Variants in RNF216 observed in about 807,000 individuals in gnomAD.
The protein encoded by RNF216 is ring finger protein 216.
A neutral mutation model predicts 110.8 loss-of-function variants in RNF216; 72 were observed. The ratio of observed to expected loss-of-function variants is 0.65; its 90% CI spans 0.54 to 0.79. The LOEUF (loss-of-function observed/expected upper bound fraction) is 0.79. Ranked by LOEUF, RNF216 falls within the 30% of genes least tolerant of loss-of-function variation. RNF216 has a pLI of 0.00. For missense variants in RNF216, 1,342 were observed against 1,141.2 expected (o/e 1.18, Z -2.54); for synonymous variants, 495 against 407.5 (o/e 1.21, Z -2.59).
intron 15 of RNF216, among the ~76,000 whole-genome samples, chr7:5,640,006 G>A (rs922541084): frequency 9.2e-5 from 14 of 151,548 alleles, no homozygotes; most frequent in African/African-American, 3.4e-4. Flanking sequence ...TGATCCACCC[G>A]CCTCAGCCTC....
chr7:5,672,494 C>G (rs567116429), intron 13 of RNF216, among the ~76,000 whole-genome samples: 1 of 152,166 alleles, frequency 6.6e-6, no homozygotes, highest in Non-Finnish European at 1.5e-5. Context: ...CAAGACAATT[C>G]GGAGTTTAAC....
At chr7:5,684,019 G>C (rs184761606) in intron 13 of RNF216, among the ~76,000 whole-genome samples, 1 of 151,450 alleles carries the variant, frequency 6.6e-6, no homozygotes, top group South Asian at 2.1e-4. Flanking sequence ...CAAGGCAGCA[G>C]CAAGTTGATT....
intron 7 of RNF216, among the ~76,000 whole-genome samples, chr7:5,727,562 A>G (rs897638789): frequency 6.6e-6 from 1 of 151,816 alleles, no homozygotes; most frequent in Non-Finnish European, 1.5e-5. Context: ...CCCCATTTCT[A>G]CAAAAAATGA....
At chr7:5,669,600 G>C (rs896067608) in intron 13 of RNF216, among the ~76,000 whole-genome samples, 1 of 152,180 alleles carries the variant, frequency 6.6e-6, no homozygotes, top group African/African-American at 2.4e-5. Context: ...TGTTGAAACT[G>C]AGACTGTGTT....
chr7:5,764,899 C>T (rs898346708), intron 1 of RNF216, among the ~76,000 whole-genome samples: 1 of 151,788 alleles, frequency 6.6e-6, no homozygotes, highest in African/African-American at 2.4e-5. Context: ...GAGACCCCAT[C>T]TCTACAAAAA....
At chr7:5,641,465 A>T (rs1787728788) in intron 14 of RNF216, 89 bp from the exon 15 acceptor site, 1 of 1,077,252 alleles carries the variant, frequency 9.3e-7, no homozygotes, top group Admixed American at 2.2e-5. Flanking sequence ...TTTCACATAA[A>T]ATGATCACTT....
intron 11 of RNF216, among the ~76,000 whole-genome samples, chr7:5,713,967 A>C (rs1164881192): frequency 1.3e-5 from 2 of 151,860 alleles, no homozygotes; most frequent in Non-Finnish European, 2.9e-5. Context: ...ATTCTGCTTG[A>C]CTCCAAAGGT....
rs552827037 is a variant in RNF216 at position 5,723,960 on chromosome 7, T to C, written c.1504+1364A>G. 1.4e-4 allele frequency among the ~76,000 whole-genome samples: 22 copies of C among 152,334 alleles called. No homozygotes were observed. In the East Asian group the frequency reaches 2.7e-3, roughly 19 times the overall value. ...TTTCTATCTTATACTTCCAGGGTCC[T>C]TCAAGATTATCTGATAAGTAAAATT... On this transcript the variant is annotated intron_variant, in intron 8 of 16. Coordinates refer to ENST00000389902, the MANE Select transcript of RNF216 (RefSeq NM_207111.4).
chr7:5,781,150 G>A (rs2128689861), intron 1 of RNF216, among the ~76,000 whole-genome samples: 1 of 152,024 alleles, frequency 6.6e-6, no homozygotes, highest in Non-Finnish European at 1.5e-5. Flanking sequence ...GCCTCCCGCC[G>A]CTCCTCCAGG....
intron 2 of RNF216, among the ~76,000 whole-genome samples, chr7:5,754,587 C>T (rs1413801248): frequency 6.6e-6 from 1 of 152,122 alleles, no homozygotes; most frequent in Non-Finnish European, 1.5e-5. Flanking sequence ...GCCATTGGTA[C>T]ATGAGGCACA....
intron 3 of RNF216, among the ~76,000 whole-genome samples, chr7:5,751,592 G>T (rs1232767526): frequency 6.6e-6 from 1 of 152,158 alleles, no homozygotes; most frequent in South Asian, 2.1e-4. Flanking sequence ...CACAGGAAAG[G>T]TGGCCTGAAG....
chr7:5,690,935 G>A (rs1449592855), intron 13 of RNF216, among the ~76,000 whole-genome samples: 1 of 152,184 alleles, frequency 6.6e-6, no homozygotes, highest in Admixed American at 6.5e-5. Context: ...CTACAGATGA[G>A]TCAACTTGGA....
intron 3 of RNF216, among the ~76,000 whole-genome samples, chr7:5,750,647 G>A (rs1160957561): frequency 1.3e-5 from 2 of 152,168 alleles, no homozygotes; most frequent in Non-Finnish European, 1.5e-5. Context: ...TAATGCATGG[G>A]CCACACAGAG....
At chr7:5,729,153 A>T (rs1165887766) in intron 7 of RNF216, among the ~76,000 whole-genome samples, 1 of 152,236 alleles carries the variant, frequency 6.6e-6, no homozygotes, top group African/African-American at 2.4e-5. Context: ...AAGGAGCAGC[A>T]TTAGAATGCA....
intron 1 of RNF216, among the ~76,000 whole-genome samples, chr7:5,775,793 C>T (rs370682550): frequency 4.0e-5 from 6 of 151,662 alleles, no homozygotes; most frequent in Admixed American, 1.3e-4. Flanking sequence ...TGCTTGAACC[C>T]GGGATGCAAA....
chr7:5,652,396 T>C lies in RNF216; in HGVS notation c.2159+17A>G. ...GTTGAGAATCAGCCCATAGCCCCTC[T>C]GAATTCTGTTACTCACATAGAGGTA... On this transcript the variant is annotated intron_variant, in intron 14 of 16. Transcript: ENST00000389902. The C allele has an allele frequency of 1.9e-6, 3 of 1,569,192 alleles. No homozygotes were observed. Among genetic ancestry groups the C allele is most frequent in the Non-Finnish European group, 2.6e-6 (3 of 1,139,210 alleles).
intron 6 of RNF216, 132 bp downstream of exon 6, chr7:5,730,583 A>G (rs2128643912): frequency 6.7e-6 from 8 of 1,191,880 alleles, no homozygotes; most frequent in East Asian, 2.4e-5. Context: ...CTGAAATCCT[A>G]TGTCCCTCGG....
intron 13 of RNF216, among the ~76,000 whole-genome samples, chr7:5,654,202 G>A (rs1383091873): frequency 1.3e-5 from 2 of 152,194 alleles, no homozygotes; most frequent in African/African-American, 2.4e-5. Context: ...GGACTGACTT[G>A]AGAGCAAGGG....
At chr7:5,653,347 T>C (rs911612532) in intron 13 of RNF216, among the ~76,000 whole-genome samples, 1 of 151,912 alleles carries the variant, frequency 6.6e-6, no homozygotes, top group African/African-American at 2.4e-5. Context: ...TCCCAGGAAT[T>C]TGGGAGGCCG....
Sources: gnomAD v4.1 joint callset for allele counts (sites outside exome capture counted in the v4.1 genomes callset) on GRCh38, gnomAD v4.1.1 for gene constraint, MANE v1.5 for transcripts, NCBI Gene and HGNC (gene_info 2026-07-23, HGNC 2026-07-21) for gene names.